The following GRIA3 variants were observed in gnomAD, a reference collection of about 807,000 sequenced individuals.
GRIA3 encodes the protein glutamate receptor 3.
GRIA3 carries 3 observed loss-of-function variants against 63.0 expected under a neutral mutation model. That is an observed-to-expected ratio of 0.05 (90% CI 0.02 to 0.12). The LOEUF (loss-of-function observed/expected upper bound fraction) is 0.12. GRIA3 is among the 10% of genes least tolerant of loss of function. The probability of loss-of-function intolerance (pLI) is 1.00; values close to 1 mark genes in which losing one functional copy is unlikely to be tolerated. For missense variants in GRIA3, 347 were observed against 700.9 expected, an observed-to-expected ratio of 0.50 and a Z score of 5.70; for synonymous variants, 274 against 257.9, an observed-to-expected ratio of 1.06 and a Z score of -0.60.
chrX:123,431,701 G>A (rs923474661), intron 12 of GRIA3, among the ~76,000 whole-genome samples: 3 of 111,912 alleles, frequency 2.7e-5, no homozygotes, highest in African/African-American at 9.7e-5. Context: ...AGGTGGCACT[G>A]GAAGAAAAAG....
intron 12 of GRIA3, among the ~76,000 whole-genome samples, chrX:123,460,497 G>A (rs1359896264): frequency 1.8e-5 from 2 of 111,858 alleles, no homozygotes; most frequent in Admixed American, 9.5e-5. Flanking sequence ...AAAACATAGT[G>A]TGTTCGTAGA....
chrX:123,479,984 A>G, intron 13 of GRIA3, 79 bp from the exon 14 acceptor site: 1 of 718,663 alleles, frequency 1.4e-6, no homozygotes, highest in Admixed American at 2.3e-5. Context: ...ATCGCTTTCT[A>G]TAGTTTTAAA....
At chrX:123,260,092 A>G (rs181346952) in intron 3 of GRIA3, among the ~76,000 whole-genome samples, 1 of 109,563 alleles carries the variant, frequency 9.1e-6, no homozygotes, top group Non-Finnish European at 1.9e-5. Flanking sequence ...GAAGGCAGAG[A>G]GACAGCAGAG....
chrX:123,313,861 A>G (rs1297762016), intron 3 of GRIA3, among the ~76,000 whole-genome samples: 2 of 111,609 alleles, frequency 1.8e-5, no homozygotes, highest in African/African-American at 6.5e-5. Context: ...GAATCTCTTC[A>G]AAGTTCATCT....
At chrX:123,449,265 T>C (rs1321894574) in intron 12 of GRIA3, among the ~76,000 whole-genome samples, 1 of 112,169 alleles carries the variant, frequency 8.9e-6, no homozygotes, top group Admixed American at 9.4e-5. Context: ...CTTAAATAAG[T>C]GTGCTGATTT....
chrX:123,289,427 A>ATAT (rs1556280790), intron 3 of GRIA3, among the ~76,000 whole-genome samples: 3 of 101,647 alleles, frequency 3.0e-5, no homozygotes, highest in African/African-American at 1.1e-4. Context: ...ATTTAAAAAA[A>ATAT]ATATATATAT....
chrX:123,382,091 T>G (rs940682790), intron 5 of GRIA3, among the ~76,000 whole-genome samples: 1 of 112,301 alleles, frequency 8.9e-6, no homozygotes, highest in African/African-American at 3.2e-5. Flanking sequence ...TGTACACAAA[T>G]GGGACAGAGG....
intron 15 of GRIA3, among the ~76,000 whole-genome samples, chrX:123,485,705 T>A (rs1285338033): frequency 8.9e-6 from 1 of 111,874 alleles, no homozygotes; most frequent in African/African-American, 3.3e-5. Flanking sequence ...CAGGATTACA[T>A]CAAGGCTCAG....
At chrX:123,286,602 A>G (rs1359349503) in intron 3 of GRIA3, among the ~76,000 whole-genome samples, 1 of 111,835 alleles carries the variant, frequency 8.9e-6, no homozygotes, top group Non-Finnish European at 1.9e-5. Context: ...ATCCCACAGA[A>G]ATACAAACTA....
At chrX:123,204,590 G>A in intron 2 of GRIA3, 2 of 1,129,287 alleles carry the variant, frequency 1.8e-6, no homozygotes, top group Non-Finnish European at 1.2e-6. Context: ...ACCCTCTGGA[G>A]ATAAAATAAA....
chrX:123,422,572 G>A (rs911253331), intron 11 of GRIA3, among the ~76,000 whole-genome samples: 15 of 111,963 alleles, frequency 1.3e-4, no homozygotes, highest in Non-Finnish European at 2.4e-4. Context: ...GGTTAAGCAC[G>A]TGGGCACTGG....
chrX:123,470,321 C>A (rs1365413153), intron 13 of GRIA3, among the ~76,000 whole-genome samples: 1 of 111,568 alleles, frequency 9.0e-6, no homozygotes, highest in Non-Finnish European at 1.9e-5. Context: ...TTTACTATAT[C>A]TTCAAAAATA....
intron 3 of GRIA3, among the ~76,000 whole-genome samples, chrX:123,278,129 T>C (rs1369545193): frequency 8.9e-6 from 1 of 112,147 alleles, no homozygotes; most frequent in African/African-American, 3.2e-5. Context: ...GCTTCTTTGA[T>C]GAGAGTGCAG....
At chrX:123,413,283 CTTAT>C (rs893793300) in intron 10 of GRIA3, among the ~76,000 whole-genome samples, 15 of 110,315 alleles carry the variant, frequency 1.4e-4, no homozygotes, top group African/African-American at 2.3e-4. Context: ...TGAATGCCTT[CTTAT>C]TTCTTTTTTC....
chrX:123,389,595 T>C (rs1446658576), intron 5 of GRIA3, among the ~76,000 whole-genome samples: 1 of 111,734 alleles, frequency 8.9e-6, no homozygotes, highest in South Asian at 3.8e-4. Context: ...TGACCCTATA[T>C]GTACATTTAC....
chrX:123,198,644 A>AC (rs1362209912), intron 2 of GRIA3, among the ~76,000 whole-genome samples: 36 of 110,201 alleles, frequency 3.3e-4, no homozygotes, highest in Non-Finnish European at 6.1e-4. Flanking sequence ...GACAAAAAAA[A>AC]AGTGGGGAAA....
At chrX:123,373,894 G>T (rs753117551) in intron 5 of GRIA3, among the ~76,000 whole-genome samples, 3 of 111,417 alleles carry the variant, frequency 2.7e-5, no homozygotes, top group Non-Finnish European at 5.7e-5. Context: ...CTTTCGTTGC[G>T]ATTGCTTTTG....
rs759358351 is a variant in GRIA3 at position 123,435,287 on chromosome X, G to T, written c.2076+7148G>T. ...CTAGTTTATGAATGAAACAGAAATG[G>T]CCTCTACCCTCTTGGAGCTCACAAT... On this transcript the variant is annotated intron_variant, in intron 12 of 15. Coordinates refer to ENST00000620443, the MANE Select transcript of GRIA3 (RefSeq NM_007325.5). Among the ~76,000 whole-genome samples, 5 of 111,854 alleles carry T rather than the reference G, an allele frequency of 4.5e-5. No homozygotes were observed. In the East Asian group the frequency reaches 1.4e-3, roughly 32 times the overall value.
intron 3 of GRIA3, among the ~76,000 whole-genome samples, chrX:123,320,487 A>G (rs1316967486): frequency 9.0e-6 from 1 of 111,455 alleles, no homozygotes. Context: ...GGAAAGTTTT[A>G]ATATGGGGAA....
Sources: gnomAD v4.1 joint callset for allele counts (sites outside exome capture counted in the v4.1 genomes callset) on GRCh38, gnomAD v4.1.1 for gene constraint, MANE v1.5 for transcripts, NCBI Gene and HGNC (gene_info 2026-07-23, HGNC 2026-07-21) for gene names.